TRIP12: variants seen among roughly 807,000 people sequenced by gnomAD.
The protein encoded by TRIP12 is thyroid hormone receptor interactor 12.
Under a neutral mutation model 244.2 loss-of-function variants are expected in TRIP12, and 25 were observed. The observed-to-expected ratio is 0.10, with a 90% CI of 0.07 to 0.14. The LOEUF is 0.14. Ranked by LOEUF, TRIP12 falls within the 10% of genes least tolerant of loss-of-function variation. TRIP12 has a pLI of 1.00. For missense variants in TRIP12, 1,677 were observed against 2,486.4 expected (o/e 0.67, Z 6.92); for synonymous variants, 905 against 873.1 (o/e 1.04, Z -0.64).
chr2:229,842,108 A>C (rs774295553), intron 4 of TRIP12, among the ~76,000 whole-genome samples: 1 of 152,254 alleles, frequency 6.6e-6, no homozygotes, highest in Non-Finnish European at 1.5e-5. Context: ...CATCTAAACT[A>C]TATCTTTTGG....
intron 2 of TRIP12, among the ~76,000 whole-genome samples, chr2:229,867,247 C>G (rs1289951701): frequency 6.7e-6 from 1 of 149,570 alleles, no homozygotes; most frequent in Non-Finnish European, 1.5e-5. Flanking sequence ...CTCACTGCAA[C>G]CTCTGCCTCC....
intron 6 of TRIP12, among the ~76,000 whole-genome samples, chr2:229,833,334 T>C (rs1336592222): frequency 1.3e-5 from 2 of 152,182 alleles, no homozygotes; most frequent in Non-Finnish European, 1.5e-5. Context: ...TTGCCCAAGC[T>C]GAAGTGCAAT....
chr2:229,769,163 G>A (rs982825185), intron 40 of TRIP12, 68 bp downstream of exon 40: 3 of 1,395,968 alleles, frequency 2.1e-6, no homozygotes, highest in Middle Eastern at 1.8e-4. Context: ...GCGCATGTGT[G>A]TGTACACACA....
At chr2:229,793,168 A>G in intron 26 of TRIP12, 23 bp from the exon 27 acceptor site, 2 of 1,599,816 alleles carry the variant, frequency 1.3e-6, no homozygotes, top group South Asian at 1.1e-5. Flanking sequence ...TGTGAAAAAA[A>G]AGTTAGTCTA....
chr2:229,802,319 C>T lies in TRIP12; in HGVS notation c.3139G>A (p.Ala1047Thr), dbSNP rs920901333. 7.4e-6 allele frequency: 12 copies of T among 1,613,436 alleles called. No homozygotes were observed. The highest frequency in any genetic ancestry group is 5.9e-6 in the Non-Finnish European group (7 of 1,179,810). Residue 1047 changes from alanine (A) to threonine (T), a missense_variant, in exon 21 of 42, where the codon GCA (alanine) becomes ACA (threonine). Transcript: ENST00000675903. ...SGTATAATHAAADLGSPSLQH... is the reference protein window; with the variant it reads ...SGTATAATHATADLGSPSLQH... ...AAGCTGGGTGATCCCAAGTCAGCTGCAGCATGAGTGGCAGCTGTGGCTGTC... is the reference window on the plus strand; with the variant it reads ...AAGCTGGGTGATCCCAAGTCAGCTGTAGCATGAGTGGCAGCTGTGGCTGTC...
intron 38 of TRIP12, 111 bp downstream of exon 38, chr2:229,773,986 G>A: frequency 8.9e-7 from 1 of 1,123,222 alleles, no homozygotes; most frequent in African/African-American, 1.6e-5. Context: ...CAGTGGTCCT[G>A]GGGATGTGGA....
intron 1 of TRIP12, among the ~76,000 whole-genome samples, chr2:229,910,609 A>G (rs930553465): frequency 2.6e-5 from 4 of 152,136 alleles, no homozygotes; most frequent in Non-Finnish European, 5.9e-5. Flanking sequence ...CCTGGAAAAA[A>G]TGTCATGGCC....
At chr2:229,903,741 G>A (rs772040108) in intron 1 of TRIP12, among the ~76,000 whole-genome samples, 6 of 152,016 alleles carry the variant, frequency 3.9e-5, no homozygotes, top group South Asian at 2.1e-4. Context: ...TTGGCCAGGC[G>A]CGGTGGCTCA....
At chr2:229,849,986 G>C (rs973644290) in intron 4 of TRIP12, among the ~76,000 whole-genome samples, 1 of 149,188 alleles carries the variant, frequency 6.7e-6, no homozygotes, top group African/African-American at 2.5e-5. Context: ...AAGTGATTTT[G>C]TATTTTTCTT....
At chr2:229,799,106 A>G (rs540224962) in intron 22 of TRIP12, 57 bp from the exon 23 acceptor site, 6 of 1,593,248 alleles carry the variant, frequency 3.8e-6, no homozygotes, top group Non-Finnish European at 4.3e-6. Context: ...GATGAAAAAC[A>G]ACTGATTTTT....
At position 229,804,134 on chromosome 2, in the gene TRIP12, C is replaced by G. The variant is rs2045212076; in HGVS notation, c.2744G>C (p.Gly915Ala). The G allele has an allele frequency of 6.2e-7, 1 of 1,613,926 alleles. No individual in the cohort carries two copies. Among genetic ancestry groups the G allele is most frequent in the African/African-American group, 1.3e-5 (1 of 74,898 alleles). ...GGAACTATACACTTCATAAAGAACA[C>G]CAAATAATGTCTTAATAAAAGACTT... ...LAKSFIKTLF[G>A]VLYEVYSSSA... The change falls in exon 19 of 42, where the codon GGT becomes GCT. Residue 915 changes from glycine (G) to alanine (A), a missense_variant. Around this residue, in one of 11 missense-constraint regions of TRIP12, gnomAD observed 572 missense variants for 867.8 expected, o/e 0.66. Coordinates refer to ENST00000675903, the MANE Select transcript of TRIP12 (RefSeq NM_001348323.3).
At chr2:229,894,761 T>G (rs1248290065) in intron 1 of TRIP12, among the ~76,000 whole-genome samples, 1 of 152,228 alleles carries the variant, frequency 6.6e-6, no homozygotes, top group African/African-American at 2.4e-5. Flanking sequence ...GCAGCGATGC[T>G]CAGTATTTAA....
In TRIP12 at chr2:229,792,942, A is replaced by G. The variant is rs770466897; in HGVS notation, c.4141+31T>C. ...GTAAATTTCTCCCAAATATACATATATAACACACGAAACAAATATATGGAA... is the reference window on the plus strand; with the variant it reads ...GTAAATTTCTCCCAAATATACATATGTAACACACGAAACAAATATATGGAA... On this transcript the variant is annotated intron_variant, in intron 27 of 41. Coordinates refer to ENST00000675903, the MANE Select transcript of TRIP12 (RefSeq NM_001348323.3). 16 of 1,602,414 alleles carry G rather than the reference A, an allele frequency of 1.0e-5. No individual in the cohort carries two copies. The South Asian group carries it at 1.1e-4, about 11-fold the overall frequency.
Position 229,799,067 on chromosome 2 carries a change from A to C in TRIP12, c.3308-18T>G. On this transcript the variant is annotated intron_variant, in intron 22 of 41. Transcript: ENST00000675903. ...GCTTTTAGCTATGAAAAGAAAAAAG[A>C]ACTACAGTTAAGTCATTTTAGTTTA... 1.2e-6 allele frequency: 2 copies of C among 1,612,570 alleles called. No individual in the cohort carries two copies. The highest frequency in any genetic ancestry group is 8.5e-7 in the Non-Finnish European group (1 of 1,179,582).
chr2:229,806,331 A>G (rs2045871125), intron 17 of TRIP12, among the ~76,000 whole-genome samples: 1 of 151,738 alleles, frequency 6.6e-6, no homozygotes, highest in South Asian at 2.1e-4. Flanking sequence ...ATCCTATAAA[A>G]TTGTCCTCAT....
intron 2 of TRIP12, among the ~76,000 whole-genome samples, chr2:229,876,996 T>G (rs550678411): frequency 6.6e-6 from 1 of 152,120 alleles, no homozygotes; most frequent in South Asian, 2.1e-4. Flanking sequence ...ATGCTCGGCC[T>G]TACTCATTTT....
chr2:229,902,674 T>C (rs1451944375), intron 1 of TRIP12, among the ~76,000 whole-genome samples: 2 of 152,230 alleles, frequency 1.3e-5, no homozygotes, highest in African/African-American at 2.4e-5. Context: ...ATCTTATGGG[T>C]ATTAATTTTG....
intron 15 of TRIP12, among the ~76,000 whole-genome samples, chr2:229,809,924 G>C (rs2046853734): frequency 6.6e-6 from 1 of 152,200 alleles, no homozygotes; most frequent in African/African-American, 2.4e-5. Flanking sequence ...AGACCACTCA[G>C]ACAGAGTGGG....
At chr2:229,787,727 C>T (rs1393225991) in intron 32 of TRIP12, 66 bp from the exon 33 acceptor site, 1 of 1,387,636 alleles carries the variant, frequency 7.2e-7, no homozygotes, top group Non-Finnish European at 9.7e-7. Context: ...AAAAAAAATC[C>T]AAACTTATAT....
Sources: gnomAD v4.1 joint callset for allele counts (sites outside exome capture counted in the v4.1 genomes callset) on GRCh38, gnomAD v4.1.1 for gene constraint, gnomAD v4.1.1 regional missense constraint, MANE v1.5 for transcripts, NCBI Gene and HGNC (gene_info 2026-07-23, HGNC 2026-07-21) for gene names.